SHISA9: variants seen among roughly 807,000 people sequenced by gnomAD.
The protein encoded by SHISA9 is protein shisa-9.
In SHISA9, 13 loss-of-function variants were observed where a neutral mutation model predicts 38.0. The ratio of observed to expected loss-of-function variants is 0.34; its 90% CI spans 0.22 to 0.54. SHISA9 has a LOEUF of 0.54. SHISA9 is among the 20% of genes least tolerant of loss of function. The pLI, the probability that SHISA9 is intolerant of heterozygous loss-of-function variation, is 0.91. For synonymous variants in SHISA9, 275 were observed against 242.0 expected, an observed-to-expected ratio of 1.14 and a Z score of -1.27; for missense variants, 538 against 575.8, an observed-to-expected ratio of 0.93 and a Z score of 0.67.
At chr16:13,165,980 A>T (rs1262382337) in intron 2 of SHISA9, among the ~76,000 whole-genome samples, 1 of 152,166 alleles carries the variant, frequency 6.6e-6, no homozygotes, top group African/African-American at 2.4e-5. Context: ...CCGAGTCTGG[A>T]GCCTGTAATT....
At chr16:13,008,980 A>G (rs970975524) in intron 2 of SHISA9, among the ~76,000 whole-genome samples, 2 of 152,114 alleles carry the variant, frequency 1.3e-5, no homozygotes, top group Non-Finnish European at 2.9e-5. Context: ...CCACAGTTCC[A>G]AAGTCTTTGT....
intron 2 of SHISA9, among the ~76,000 whole-genome samples, chr16:12,997,925 C>A (rs1483788080): frequency 6.6e-6 from 1 of 152,146 alleles, no homozygotes; most frequent in South Asian, 2.1e-4. Flanking sequence ...TAAACGGTGC[C>A]TTCTCGTCCA....
intron 2 of SHISA9, among the ~76,000 whole-genome samples, chr16:12,943,359 G>C (rs2071646916): frequency 1.1e-5 from 1 of 87,358 alleles, no homozygotes; most frequent in Non-Finnish European, 2.5e-5. Context: ...GAGAGAGAGA[G>C]AGAGAGAGAG....
At chr16:12,920,314 G>GTATA (rs985498391) in intron 2 of SHISA9, among the ~76,000 whole-genome samples, 1 of 151,440 alleles carries the variant, frequency 6.6e-6, no homozygotes, top group African/African-American at 2.4e-5. Flanking sequence ...AGAACTTAAA[G>GTATA]TATATATATA....
the SHISA9 span, among the ~76,000 whole-genome samples, chr16:13,447,067 T>A: frequency 6.6e-6 from 1 of 151,406 alleles, no homozygotes; most frequent in Non-Finnish European, 1.5e-5. Flanking sequence ...AAAGAAAGAA[T>A]AAAATCCATC....
intron 4 of SHISA9, among the ~76,000 whole-genome samples, chr16:13,221,566 AAAATGTCCCAC>A (rs2142074553): frequency 6.6e-6 from 1 of 152,272 alleles, no homozygotes; most frequent in South Asian, 2.1e-4. Flanking sequence ...TTACGGTACT[AAAATGTCCCAC>A]AAATACAGTG....
intron 2 of SHISA9, among the ~76,000 whole-genome samples, chr16:12,960,151 C>T (rs545754070): frequency 6.6e-6 from 1 of 152,322 alleles, no homozygotes; most frequent in African/African-American, 2.4e-5. Context: ...ACCCTGGTTA[C>T]ATTTTCTTGT....
At chr16:13,439,327 C>T in the SHISA9 span, among the ~76,000 whole-genome samples, 3 of 152,112 alleles carry the variant, frequency 2.0e-5, no homozygotes. Context: ...CTGTTGTATA[C>T]TTAAAATTTG....
intron 2 of SHISA9, among the ~76,000 whole-genome samples, chr16:12,956,625 C>T (rs970151113): frequency 3.3e-5 from 5 of 152,038 alleles, no homozygotes; most frequent in Non-Finnish European, 5.9e-5. Context: ...AACTCAGAAA[C>T]GGAAAATCAA....
the SHISA9 span, among the ~76,000 whole-genome samples, chr16:13,401,122 A>C: frequency 1.3e-5 from 2 of 152,138 alleles, no homozygotes; most frequent in Non-Finnish European, 2.9e-5. Flanking sequence ...ATCCCACAGA[A>C]TCTCCCAAGG....
chr16:13,422,281 G>T, the SHISA9 span, among the ~76,000 whole-genome samples: 1 of 152,226 alleles, frequency 6.6e-6, no homozygotes, highest in African/African-American at 2.4e-5. Context: ...CTTGCTACAA[G>T]TGTCAGGATT....
chr16:13,003,336 T>C, intron 2 of SHISA9, among the ~76,000 whole-genome samples: 1 of 152,178 alleles, frequency 6.6e-6, no homozygotes, highest in East Asian at 1.9e-4. Context: ...AATGGCCAAG[T>C]CCAGATTTAG....
At chr16:13,181,265 TTTTATATATA>T (rs1232885058) in intron 2 of SHISA9, among the ~76,000 whole-genome samples, 20 of 91,612 alleles carry the variant, frequency 2.2e-4, no homozygotes, top group African/African-American at 5.5e-4. Flanking sequence ...TAAAATAAAA[TTTTATATATA>T]TATATATATA....
chr16:13,152,041 GAGA>G (rs1403959263), intron 2 of SHISA9, among the ~76,000 whole-genome samples: 12 of 152,172 alleles, frequency 7.9e-5, no homozygotes, highest in Non-Finnish European at 1.8e-4. Context: ...TAAATTGTGT[GAGA>G]AGAAGATCAG....
At chr16:13,415,375 G>A in the SHISA9 span, among the ~76,000 whole-genome samples, 17 of 152,304 alleles carry the variant, frequency 1.1e-4, no homozygotes, top group South Asian at 3.5e-3. Flanking sequence ...TTAAGTGGGA[G>A]CTAAATGATG....
chr16:13,069,043 T>C (rs990851261), intron 2 of SHISA9, among the ~76,000 whole-genome samples: 1 of 152,030 alleles, frequency 6.6e-6, no homozygotes, highest in African/African-American at 2.4e-5. Context: ...TTCTTGTGTG[T>C]ACATGCAATG....
intron 2 of SHISA9, among the ~76,000 whole-genome samples, chr16:13,047,778 A>C (rs1334061228): frequency 6.6e-6 from 1 of 152,166 alleles, no homozygotes; most frequent in Non-Finnish European, 1.5e-5. Context: ...ATTGCTATGA[A>C]TACTATTTAA....
At chr16:13,554,697 G>A in the SHISA9 span, among the ~76,000 whole-genome samples, 190 of 152,118 alleles carry the variant, frequency 1.2e-3, no homozygotes, top group Non-Finnish European at 2.0e-3. Flanking sequence ...TCACCATGTT[G>A]GTCAGGCTGG....
At chr16:12,963,466 G>A (rs2071937472) in intron 2 of SHISA9, among the ~76,000 whole-genome samples, 2 of 152,154 alleles carry the variant, frequency 1.3e-5, no homozygotes, top group Non-Finnish European at 2.9e-5. Flanking sequence ...GTATGAGGGA[G>A]ACCATATGGC....
Sources: allele counts gnomAD v4.1 joint callset (sites outside exome capture counted in the v4.1 genomes callset), GRCh38; gene constraint gnomAD v4.1.1; transcripts MANE v1.5; gene names NCBI Gene and HGNC (gene_info 2026-07-23, HGNC 2026-07-21).